The following PKHD1 variants were observed in gnomAD, a reference collection of about 807,000 sequenced individuals.
PKHD1 encodes fibrocystin.
A neutral mutation model predicts 412.0 loss-of-function variants in PKHD1; 291 were observed. That is an observed-to-expected ratio of 0.71 (90% CI 0.64 to 0.78). The LOEUF is 0.78. PKHD1 is among the 30% of genes least tolerant of loss of function. The pLI is 0.00. For synonymous variants in PKHD1, 1,777 were observed against 1,821.5 expected (o/e 0.98, Z 0.62); for missense variants, 4,825 against 4,950.7 (o/e 0.97, Z 0.76).
intron 35 of PKHD1, among the ~76,000 whole-genome samples, chr6:52,002,001 A>T (rs554304365): frequency 1.1e-3 from 162 of 152,326 alleles, no homozygotes; most frequent in African/African-American, 3.8e-3. Context: ...TATGAATGAG[A>T]CACTGCGTTA....
chr6:51,732,662 G>A (rs1783366085), intron 60 of PKHD1, among the ~76,000 whole-genome samples: 1 of 152,144 alleles, frequency 6.6e-6, no homozygotes. Context: ...CAAGGATGTG[G>A]AGAAACCATT....
intron 55 of PKHD1, among the ~76,000 whole-genome samples, chr6:51,758,040 G>GAC (rs199751913): frequency 0.034 from 5,050 of 150,428 alleles, 292 homozygotes; most frequent in African/African-American, 0.12. Context: ...GAGAGAGAGA[G>GAC]AGAGAGAGAG....
intron 36 of PKHD1, among the ~76,000 whole-genome samples, chr6:51,953,768 T>C (rs1033657021): frequency 6.6e-6 from 1 of 151,996 alleles, no homozygotes; most frequent in East Asian, 1.9e-4. Flanking sequence ...CCAGATGTAA[T>C]GGACTTAAAA....
At chr6:51,932,223 A>G (rs1431596086) in intron 37 of PKHD1, among the ~76,000 whole-genome samples, 2 of 152,238 alleles carry the variant, frequency 1.3e-5, no homozygotes, top group Non-Finnish European at 2.9e-5. Flanking sequence ...AAAGGCTTAC[A>G]TGCACAACGT....
In PKHD1 at chr6:51,850,911, G is replaced by A. The variant is rs180867243; in HGVS notation, c.7912-2941C>T. Among the ~76,000 whole-genome samples, 240 of 151,980 alleles carry A rather than the reference G, an allele frequency of 1.6e-3. 2 individuals are homozygous for A. The highest frequency in any genetic ancestry group is 5.4e-3 in the African/African-American group (222 of 41,428). On this transcript the variant is annotated intron_variant, in intron 49 of 66. Coordinates refer to ENST00000371117, the MANE Select transcript of PKHD1 (RefSeq NM_138694.4). Reference sequence around the variant, plus strand: ...ATTTCTTTCTCTTGCCTGATTACCCGGCCAGAACTTCCAATACTATGTTGA... The same window carrying A: ...ATTTCTTTCTCTTGCCTGATTACCCAGCCAGAACTTCCAATACTATGTTGA...
chr6:51,653,105 C>T (rs1771224610), intron 61 of PKHD1, among the ~76,000 whole-genome samples: 1 of 151,888 alleles, frequency 6.6e-6, no homozygotes, highest in South Asian at 2.1e-4. Context: ...TATGTTAACC[C>T]TTCTACTATG....
At chr6:51,651,631 A>G (rs1298549146) in intron 61 of PKHD1, among the ~76,000 whole-genome samples, 1 of 152,132 alleles carries the variant, frequency 6.6e-6, no homozygotes, top group Non-Finnish European at 1.5e-5. Flanking sequence ...TGCATTTAAT[A>G]TGGACACCCA....
intron 36 of PKHD1, among the ~76,000 whole-genome samples, chr6:51,953,705 A>T (rs1039670095): frequency 2.0e-5 from 3 of 152,076 alleles, no homozygotes; most frequent in Admixed American, 1.3e-4. Flanking sequence ...GAGTCAGAAG[A>T]AGATGCTTCA....
At chr6:52,001,350 A>G (rs369479811) in intron 35 of PKHD1, among the ~76,000 whole-genome samples, 1 of 152,182 alleles carries the variant, frequency 6.6e-6, no homozygotes, top group East Asian at 1.9e-4. Context: ...AGAAGATTGT[A>G]CAAACCTAAG....
At chr6:51,783,280 G>A (rs947996415) in intron 53 of PKHD1, among the ~76,000 whole-genome samples, 4 of 149,598 alleles carry the variant, frequency 2.7e-5, no homozygotes, top group African/African-American at 9.8e-5. Flanking sequence ...AGGGATCAAG[G>A]AGGTTTCTAT....
chr6:51,954,034 G>T (rs929070978), intron 36 of PKHD1, among the ~76,000 whole-genome samples: 1 of 152,024 alleles, frequency 6.6e-6, no homozygotes, highest in Non-Finnish European at 1.5e-5. Flanking sequence ...CAGTAATCCA[G>T]TTTGCTTTGT....
chr6:51,725,956 A>G (rs1332297297), intron 60 of PKHD1, among the ~76,000 whole-genome samples: 3 of 152,192 alleles, frequency 2.0e-5, no homozygotes, highest in Non-Finnish European at 4.4e-5. Context: ...AGCCAGCCTT[A>G]GCCAAATGCA....
At chr6:51,866,055 T>C (rs1294009063) in intron 48 of PKHD1, among the ~76,000 whole-genome samples, 1 of 152,080 alleles carries the variant, frequency 6.6e-6, no homozygotes, top group Non-Finnish European at 1.5e-5. Context: ...GTGCTGCTGC[T>C]GCTGCTGGTC....
chr6:52,076,362 C>T (rs373254508), intron 5 of PKHD1, 29 bp from the exon 6 acceptor site: 7 of 1,565,448 alleles, frequency 4.5e-6, no homozygotes, highest in African/African-American at 2.7e-5. Flanking sequence ...CACAAGTGAG[C>T]ATGTCATTAA....
intron 60 of PKHD1, among the ~76,000 whole-genome samples, chr6:51,671,953 C>T (rs1163162239): frequency 6.6e-6 from 1 of 152,166 alleles, no homozygotes; most frequent in East Asian, 1.9e-4. Flanking sequence ...CTCTTCAAAG[C>T]TGTCAGACAG....
rs779520268 is a variant in PKHD1, at chr6:51,659,627, T to C, written c.10499A>G (p.Tyr3500Cys). The C allele has an allele frequency of 1.9e-6, 3 of 1,613,622 alleles. No individual in the cohort carries two copies. In the African/African-American group the frequency reaches 4.0e-5, roughly 22 times the overall value. Residue 3500 changes from tyrosine (Y) to cysteine (C), a missense_variant, in exon 61 of 67, where the codon TAC (tyrosine) becomes TGC (cysteine). Coordinates refer to ENST00000371117, the MANE Select transcript of PKHD1 (RefSeq NM_138694.4). ...GACGTGGGGGCTCTGGAGCTCATGG[T>C]AGAATACAGCCAAGAGAAGCTTGGA... is the stretch of plus-strand genomic sequence containing the variant. Reference protein sequence around the residue: ...STSKLLLAVFYHELQSPHVFL... With the variant: ...STSKLLLAVFCHELQSPHVFL...
At chr6:51,726,409 G>T (rs1486674532) in intron 60 of PKHD1, among the ~76,000 whole-genome samples, 2 of 152,140 alleles carry the variant, frequency 1.3e-5, no homozygotes, top group Admixed American at 6.6e-5. Context: ...GCTTCAACTT[G>T]GGACAAAAAT....
rs10671492 is a variant in PKHD1 at position 51,976,944 on chromosome 6, TA to T, written c.5752-16919del. 2.5e-3 allele frequency among the ~76,000 whole-genome samples: 234 copies of T among 93,512 alleles called. 2 individuals carry two copies. The highest frequency in any genetic ancestry group is 2.9e-3 in the East Asian group (9 of 3,066). 61.3% of individuals were successfully genotyped at this position (93,512 alleles called of 152,430 possible). ...GCCTGGGTGATAGAGTGAGACTCCA[TA>T]AAAAAAAAAAAAAAAAAAACCTGAA... On this transcript the variant is annotated intron_variant, in intron 35 of 66. Coordinates refer to ENST00000371117, the MANE Select transcript of PKHD1 (RefSeq NM_138694.4).
chr6:51,966,642 G>T (rs1792849976), intron 35 of PKHD1, among the ~76,000 whole-genome samples: 1 of 152,096 alleles, frequency 6.6e-6, no homozygotes, highest in Non-Finnish European at 1.5e-5. Context: ...ACTCTTTTCA[G>T]ACTACTTTCC....
Sources: gnomAD v4.1 joint callset for allele counts (sites outside exome capture counted in the v4.1 genomes callset) on GRCh38, gnomAD v4.1.1 for gene constraint, MANE v1.5 for transcripts, NCBI Gene and HGNC (gene_info 2026-07-23, HGNC 2026-07-21) for gene names.